Variants in EML4 observed in about 807,000 individuals in gnomAD.
EML4 encodes echinoderm microtubule-associated protein-like 4.
Under a neutral mutation model 129.0 loss-of-function variants are expected in EML4, and 72 were observed. The ratio of observed to expected loss-of-function variants is 0.56; its 90% CI spans 0.46 to 0.68. EML4 has a LOEUF of 0.68. Among genes scored for constraint, EML4 ranks in the 30% least tolerant of loss-of-function variants. The pLI, the probability that EML4 is intolerant of heterozygous loss-of-function variation, is 0.00. For synonymous variants in EML4, 532 were observed against 405.0 expected (o/e 1.31, Z -3.77); for missense variants, 1,363 against 1,190.6 (o/e 1.14, Z -2.13).
At chr2:42,265,197 T>A (rs1416017822) in intron 6 of EML4, among the ~76,000 whole-genome samples, 1 of 151,854 alleles carries the variant, frequency 6.6e-6, no homozygotes, top group Non-Finnish European at 1.5e-5. Flanking sequence ...GTCAAGTGAT[T>A]CTTGTGCCTC....
chr2:42,212,005 C>CA (rs1390680585), intron 1 of EML4, among the ~76,000 whole-genome samples: 2 of 151,982 alleles, frequency 1.3e-5, no homozygotes, highest in East Asian at 3.9e-4. Context: ...CCACCACGCC[C>CA]AGCTAATTAT....
intron 2 of EML4, among the ~76,000 whole-genome samples, chr2:42,255,375 C>T (rs566080824): frequency 1.4e-4 from 21 of 152,242 alleles, no homozygotes; most frequent in Non-Finnish European, 2.2e-4. Context: ...TGAGCCACCG[C>T]GCCCAGCCAA....
At position 42,266,166 on chromosome 2, in the gene EML4, A is replaced by G. The variant is rs148090074; in HGVS notation, c.667+1435A>G. Among the ~76,000 whole-genome samples the G allele has an allele frequency of 3.8e-3, 572 of 152,288 alleles. 4 individuals are homozygous for G. The highest frequency in any genetic ancestry group is 0.013 in the African/African-American group (536 of 41,552). On this transcript the variant is annotated intron_variant, in intron 6 of 22. Transcript: ENST00000318522. ...AAAAGAAAAGAAAGAAATATTTGTA[A>G]TAGTCTTTAGGTCATTTGTTTTTAC...
intron 1 of EML4, among the ~76,000 whole-genome samples, chr2:42,230,566 C>G (rs1674268791): frequency 6.6e-6 from 1 of 152,102 alleles, no homozygotes; most frequent in Non-Finnish European, 1.5e-5. Flanking sequence ...GCCACCATCC[C>G]CAGCTAATTT....
At chr2:42,217,606 A>G (rs190210258) in intron 1 of EML4, among the ~76,000 whole-genome samples, 1 of 152,314 alleles carries the variant, frequency 6.6e-6, no homozygotes. Context: ...GGAATACTGT[A>G]CCCATGAAAA....
intron 17 of EML4, among the ~76,000 whole-genome samples, chr2:42,306,417 A>G (rs1438842905): frequency 6.6e-6 from 1 of 151,826 alleles, no homozygotes; most frequent in Non-Finnish European, 1.5e-5. Flanking sequence ...CACAAATGCT[A>G]AAGTCCTTGA....
At chr2:42,327,027 C>G (rs1044538569) in intron 21 of EML4, among the ~76,000 whole-genome samples, 2 of 152,130 alleles carry the variant, frequency 1.3e-5, no homozygotes, top group Non-Finnish European at 2.9e-5. Context: ...CTCTACCCCA[C>G]CCCCCAGCAA....
At chr2:42,250,320 G>C (rs903642710) in intron 2 of EML4, among the ~76,000 whole-genome samples, 3 of 152,148 alleles carry the variant, frequency 2.0e-5, no homozygotes, top group Admixed American at 1.3e-4. Flanking sequence ...ATACTCTAAA[G>C]GCACAGATTT....
intron 1 of EML4, among the ~76,000 whole-genome samples, chr2:42,218,876 C>T (rs561697115): frequency 1.3e-5 from 2 of 152,226 alleles, no homozygotes; most frequent in African/African-American, 2.4e-5. Flanking sequence ...GTTGTCCAGC[C>T]TAGACGTGAA....
intron 17 of EML4, among the ~76,000 whole-genome samples, chr2:42,315,095 C>T (rs929832685): frequency 2.0e-5 from 3 of 152,010 alleles, no homozygotes; most frequent in African/African-American, 7.3e-5. Flanking sequence ...ACTGTTCCCT[C>T]ACACCTTCAT....
intron 20 of EML4, 148 bp from the exon 21 acceptor site, chr2:42,326,006 C>T: frequency 1.8e-6 from 2 of 1,137,320 alleles, no homozygotes; most frequent in South Asian, 2.3e-5. Flanking sequence ...AAAGTGAACA[C>T]TTTCTTTTCC....
chr2:42,265,385 A>G (rs1029312669), intron 6 of EML4, among the ~76,000 whole-genome samples: 1 of 152,028 alleles, frequency 6.6e-6, no homozygotes, highest in African/African-American at 2.4e-5. Flanking sequence ...GATTACACGC[A>G]TGAGCCATGG....
At chr2:42,225,828 T>A (rs1333962211) in intron 1 of EML4, among the ~76,000 whole-genome samples, 1 of 152,172 alleles carries the variant, frequency 6.6e-6, no homozygotes, top group East Asian at 1.9e-4. Context: ...ATGTTAATTT[T>A]CTCAATTTTT....
At chr2:42,244,088 GTTTTTGTTTTTTGTTTT>G (rs1464951824) in intron 1 of EML4, among the ~76,000 whole-genome samples, 12 of 62,998 alleles carry the variant, frequency 1.9e-4, no homozygotes, top group African/African-American at 4.4e-4. Flanking sequence ...TTTGTTTTTT[GTTTTTGTTTTTTGTTTT>G]TTTTTTTTTT....
Position 42,206,883 on chromosome 2 carries a change from A to G in EML4, c.25+37247A>G, listed in dbSNP as rs550367235. Among the ~76,000 whole-genome samples, 4 of 152,330 alleles carry G rather than the reference A, an allele frequency of 2.6e-5. No homozygotes were observed. In the South Asian group the frequency reaches 8.3e-4, roughly 32 times the overall value. ...ATTCTGACCTTACCATTTGTTGATCATGTAATCTTGGGTGTTACCTCTCTT... is the reference window on the plus strand; with the variant it reads ...ATTCTGACCTTACCATTTGTTGATCGTGTAATCTTGGGTGTTACCTCTCTT... On this transcript the variant is annotated intron_variant, in intron 1 of 22. Coordinates refer to ENST00000318522, the MANE Select transcript of EML4 (RefSeq NM_019063.5).
chr2:42,248,176 A>G (rs1180249825), intron 2 of EML4, among the ~76,000 whole-genome samples: 1 of 151,920 alleles, frequency 6.6e-6, no homozygotes, highest in Non-Finnish European at 1.5e-5. Flanking sequence ...GAATCTCTCT[A>G]TGTTGCCCAA....
At chr2:42,205,894 A>C (rs1229610479) in intron 1 of EML4, among the ~76,000 whole-genome samples, 1 of 152,098 alleles carries the variant, frequency 6.6e-6, no homozygotes, top group African/African-American at 2.4e-5. Context: ...ATATTCTGCC[A>C]CTTTGGAATT....
At chr2:42,179,826 T>C (rs927208185) in intron 1 of EML4, among the ~76,000 whole-genome samples, 9 of 152,222 alleles carry the variant, frequency 5.9e-5, no homozygotes, top group African/African-American at 2.2e-4. Flanking sequence ...GATCTGGAAC[T>C]CTTGACCCCA....
chr2:42,269,421 G>T (rs933326534), intron 6 of EML4, among the ~76,000 whole-genome samples: 26 of 152,132 alleles, frequency 1.7e-4, no homozygotes, highest in Non-Finnish European at 3.7e-4. Context: ...TTTACTGAGT[G>T]CTTATTTTGT....
Sources: gnomAD v4.1 joint callset for allele counts (sites outside exome capture counted in the v4.1 genomes callset) on GRCh38, gnomAD v4.1.1 for gene constraint, MANE v1.5 for transcripts, NCBI Gene and HGNC (gene_info 2026-07-23, HGNC 2026-07-21) for gene names.